FAP: variants seen among roughly 807,000 people sequenced by gnomAD.
FAP encodes prolyl endopeptidase FAP.
FAP carries 110 observed loss-of-function variants against 126.5 expected under a neutral mutation model. That is an observed-to-expected ratio of 0.87 (90% CI 0.74 to 1.02). The LOEUF (loss-of-function observed/expected upper bound fraction) is 1.02, where lower values mean the gene tolerates loss of function less well. FAP is among the 50% of genes least tolerant of loss of function. The pLI, the probability that FAP is intolerant of heterozygous loss-of-function variation, is 0.00. For missense variants in FAP, 919 were observed against 909.2 expected (o/e 1.01, Z -0.14); for synonymous variants, 334 against 297.3 (o/e 1.12, Z -1.27).
At chr2:162,186,007 G>A (rs75588394) in intron 20 of FAP, among the ~76,000 whole-genome samples, 1 of 152,086 alleles carries the variant, frequency 6.6e-6, no homozygotes, top group African/African-American at 2.4e-5. Flanking sequence ...CATCTCCACT[G>A]TTGTTTATAG....
chr2:162,231,442 A>G (rs1423377814), intron 2 of FAP, among the ~76,000 whole-genome samples: 2 of 152,178 alleles, frequency 1.3e-5, no homozygotes, highest in Non-Finnish European at 2.9e-5. Context: ...ACAGAAGTAA[A>G]CATGAATTCT....
chr2:162,188,095 G>A, intron 20 of FAP, 74 bp downstream of exon 20: 1 of 1,205,932 alleles, frequency 8.3e-7, no homozygotes, highest in Non-Finnish European at 1.2e-6. Flanking sequence ...AAGTCATGAA[G>A]AATGGAGAAA....
At chr2:162,242,296 A>T (rs528264581) in intron 2 of FAP, among the ~76,000 whole-genome samples, 2 of 152,332 alleles carry the variant, frequency 1.3e-5, no homozygotes, top group East Asian at 3.9e-4. Flanking sequence ...GCAAAGTGAG[A>T]TCAGTGTCAA....
intron 3 of FAP, among the ~76,000 whole-genome samples, chr2:162,226,030 A>G (rs1354972632): frequency 2.0e-5 from 3 of 152,184 alleles, no homozygotes; most frequent in African/African-American, 7.2e-5. Context: ...CTAAAATGTC[A>G]TAGACTATTT....
At chr2:162,224,896 AAG>A (rs1689571473) in intron 4 of FAP, among the ~76,000 whole-genome samples, 1 of 152,160 alleles carries the variant, frequency 6.6e-6, no homozygotes, top group African/African-American at 2.4e-5. Flanking sequence ...TGCAAAGAGA[AAG>A]AGAGTATTAT....
chr2:162,223,550 G>C, intron 6 of FAP, 58 bp downstream of exon 6: 1 of 1,094,990 alleles, frequency 9.1e-7, no homozygotes, highest in East Asian at 2.4e-5. Flanking sequence ...TCATAGTTTG[G>C]AATGAAAACA....
chr2:162,196,919 G>A (rs911724673), intron 16 of FAP, among the ~76,000 whole-genome samples: 3 of 152,150 alleles, frequency 2.0e-5, no homozygotes, highest in East Asian at 1.9e-4. Context: ...AAAGTCAGGC[G>A]ATTCAAGTTC....
Position 162,225,552 on chromosome 2 carries a change from T to A in FAP, c.216A>T (p.Ala72=), listed in dbSNP as rs751184213. 10 of 1,599,248 alleles carry A rather than the reference T, an allele frequency of 6.3e-6. No homozygotes were observed. Among genetic ancestry groups the A allele is most frequent in the Admixed American group, 1.7e-5 (1 of 57,796 alleles). ...TATTATAAAGTACTATATTGTTATC[T>A]GCAGATTGATGAAGATATTCTTGTC... ...ISGQEYLHQS[A]DNNIVLYNIE... The change falls in exon 4 of 26, where the codon GCA becomes GCT. Residue 72 remains alanine (A), a synonymous_variant. Transcript: ENST00000188790.
rs752903097 is a variant in FAP at position 162,174,960 on chromosome 2, C to T, written c.1876G>A (p.Gly626Arg). Reference sequence around the variant, plus strand: ...AGGGCCAGTGATGAAACGTATCCTCCATAGGACTGTAGAGACATTGTTATG... The same window carrying T: ...AGGGCCAGTGATGAAACGTATCCTCTATAGGACTGTAGAGACATTGTTATG... ...KRIAIWGWSY[G>R]GYVSSLALAS... Residue 626 changes from glycine to arginine, a missense_variant, in exon 22 of 26, where the codon GGA becomes AGA. Physicochemically the swap from Gly to Arg is moderately radical, Grantham distance 125 (BLOSUM62 -2). Coordinates refer to ENST00000188790, the MANE Select transcript of FAP (RefSeq NM_004460.5). 6.2e-7 allele frequency: 1 copy of T among 1,609,932 alleles called. No homozygotes were observed. Among genetic ancestry groups the T allele is most frequent in the Admixed American group, 1.7e-5 (1 of 59,936 alleles).
At chr2:162,176,960 G>A (rs750512300) in intron 21 of FAP, among the ~76,000 whole-genome samples, 1 of 152,094 alleles carries the variant, frequency 6.6e-6, no homozygotes. Context: ...GAGCAAAAGC[G>A]ACTGTATCAG....
intron 17 of FAP, among the ~76,000 whole-genome samples, chr2:162,192,950 T>TCTTA (rs1441723410): frequency 6.6e-6 from 1 of 152,118 alleles, no homozygotes. Flanking sequence ...AGTTCCCCTA[T>TCTTA]CTTAGAACTT....
intron 2 of FAP, among the ~76,000 whole-genome samples, chr2:162,227,006 T>C (rs1689681805): frequency 6.6e-6 from 1 of 152,138 alleles, no homozygotes; most frequent in South Asian, 2.1e-4. Flanking sequence ...GAGCTGGGAT[T>C]ACAGACCATG....
chr2:162,186,541 G>T (rs977537972), intron 20 of FAP, among the ~76,000 whole-genome samples: 5 of 152,044 alleles, frequency 3.3e-5, no homozygotes, highest in Admixed American at 3.3e-4. Flanking sequence ...ACCCATAAAA[G>T]TATAATGACA....
chr2:162,215,012 A>G (rs915953859), intron 10 of FAP, among the ~76,000 whole-genome samples: 7 of 151,598 alleles, frequency 4.6e-5, no homozygotes, highest in Non-Finnish European at 4.4e-5. Context: ...TTCATCTGCC[A>G]CCTGTGGAGA....
chr2:162,171,142 C>T (rs940186778), intron 25 of FAP, 62 bp from the exon 26 acceptor site: 1 of 1,276,752 alleles, frequency 7.8e-7, no homozygotes, highest in South Asian at 1.2e-5. Context: ...TTAGCTTGGA[C>T]TTTTTTGTGC....
At chr2:162,204,614 G>A (rs1044211078) in intron 12 of FAP, among the ~76,000 whole-genome samples, 12 of 152,186 alleles carry the variant, frequency 7.9e-5, no homozygotes, top group Admixed American at 4.6e-4. Context: ...GGAGCCATGA[G>A]AAGCTGGAAG....
chr2:162,196,074 G>A (rs1688242811), intron 16 of FAP, among the ~76,000 whole-genome samples: 1 of 152,150 alleles, frequency 6.6e-6, no homozygotes, highest in Non-Finnish European at 1.5e-5. Context: ...ACCTGTGCCA[G>A]TGCCAAGCCC....
rs1039802973 is a variant in FAP at position 162,187,037 on chromosome 2, CT to C, written c.1814+1131del. On this transcript the variant is annotated intron_variant, in intron 20 of 25. Coordinates refer to ENST00000188790, the MANE Select transcript of FAP (RefSeq NM_004460.5). ...ATTTGTCGTATTGTACTCAGATAGACTTTTTTTTTAATTGAACATTTTGTTT... is the reference window on the plus strand; with the variant it reads ...ATTTGTCGTATTGTACTCAGATAGACTTTTTTTTAATTGAACATTTTGTTT... 5.2e-4 allele frequency among the ~76,000 whole-genome samples: 78 copies of C among 151,156 alleles called. 1 individual carries two copies. The highest frequency in any genetic ancestry group is 3.4e-3 in the Middle Eastern group (1 of 294).
In FAP at chr2:162,209,613, G is replaced by A. The variant is rs570563026; in HGVS notation, c.1047+339C>T. ...GATTTAAATGGCTAGTAATTATTAA[G>A]ATGATTTTAACAGATCAGGGATTTT... is the stretch of plus-strand genomic sequence containing the variant. On this transcript the variant is annotated intron_variant, in intron 12 of 25. Transcript: ENST00000188790. The A allele has an allele frequency of 3.4e-4, 64 of 189,240 alleles. No homozygotes were observed. In the Middle Eastern group the frequency reaches 0.015, roughly 43 times the overall value. The allele number at this position is 189,240 out of a possible 1,614,324, so 11.7% of individuals were successfully genotyped here. A position where few individuals can be genotyped will look rare whatever the true frequency, so the allele number is the denominator to read the frequency against.
Sources: gnomAD v4.1 joint callset for allele counts (sites outside exome capture counted in the v4.1 genomes callset) on GRCh38, gnomAD v4.1.1 for gene constraint, MANE v1.5 for transcripts, NCBI Gene and HGNC (gene_info 2026-07-23, HGNC 2026-07-21) for gene names.